Variants in DGKB observed in about 807,000 individuals in gnomAD.
DGKB encodes the protein 90 kDa diacylglycerol kinase.
In DGKB, 67 loss-of-function variants were observed where a neutral mutation model predicts 114.3. That is an observed-to-expected ratio of 0.59 (90% CI 0.48 to 0.72). The LOEUF (loss-of-function observed/expected upper bound fraction) is 0.72, where lower values mean the gene tolerates loss of function less well. DGKB is among the 30% of genes least tolerant of loss of function. The pLI is 0.00. For synonymous variants in DGKB, 398 were observed against 323.1 expected (o/e 1.23, Z -2.49); for missense variants, 907 against 975.2 (o/e 0.93, Z 0.93).
chr7:14,952,251 T>A (rs1159187073), intron 1 of DGKB, among the ~76,000 whole-genome samples: 1 of 152,044 alleles, frequency 6.6e-6, no homozygotes, highest in Admixed American at 6.6e-5. Flanking sequence ...GATGATACCT[T>A]AATCTTAGAC....
intron 21 of DGKB, among the ~76,000 whole-genome samples, chr7:14,380,195 CTG>C (rs746851514): frequency 2.2e-4 from 33 of 151,758 alleles, no homozygotes; most frequent in Non-Finnish European, 4.1e-4. Context: ...TTTATAAACA[CTG>C]TATACATTTA....
intron 6 of DGKB, among the ~76,000 whole-genome samples, chr7:14,703,411 T>C (rs1226382229): frequency 6.6e-6 from 1 of 152,218 alleles, no homozygotes; most frequent in African/African-American, 2.4e-5. Context: ...ATAATGGGCA[T>C]TCATTACTGA....
chr7:14,348,600 A>G (rs1325560085), intron 21 of DGKB, among the ~76,000 whole-genome samples: 1 of 152,030 alleles, frequency 6.6e-6, no homozygotes, highest in Non-Finnish European at 1.5e-5. Context: ...CTAAAATTAA[A>G]AAAAGTAAAA....
intron 23 of DGKB, among the ~76,000 whole-genome samples, chr7:14,288,234 AT>A (rs1357871823): frequency 2.7e-3 from 202 of 75,756 alleles, no homozygotes; most frequent in African/African-American, 8.2e-3. Context: ...TTTTTTTTTA[AT>A]TTTTTTTTTT....
intron 23 of DGKB, among the ~76,000 whole-genome samples, chr7:14,319,133 G>T (rs550272466): frequency 7.2e-6 from 1 of 138,772 alleles, no homozygotes; most frequent in Admixed American, 7.7e-5. Context: ...TCTGGGGACT[G>T]TTGTGGGGTG....
rs1167236969 is a variant in DGKB, at chr7:14,973,562, G to C, written c.-188+1134C>G. Reference sequence around the variant, plus strand: ...TCTTTTTTTTTTCTTTTTTGTTTTTGTGTTAGTTAATACACTCAGAACAAC... The same window carrying C: ...TCTTTTTTTTTTCTTTTTTGTTTTTCTGTTAGTTAATACACTCAGAACAAC... On this transcript the variant is annotated intron_variant, in intron 1 of 4. Transcript: ENST00000437998. Among the ~76,000 whole-genome samples the C allele has an allele frequency of 7.9e-5, 7 of 88,932 alleles. No individual in the cohort carries two copies. The East Asian group carries it at 1.1e-3, about 14-fold the overall frequency. The allele number at this position is 88,932 out of a possible 152,430, so 58.3% of individuals were successfully genotyped here.
At chr7:14,767,461 A>G (rs1297190701) in intron 2 of DGKB, among the ~76,000 whole-genome samples, 2 of 151,912 alleles carry the variant, frequency 1.3e-5, no homozygotes, top group African/African-American at 2.4e-5. Context: ...TGCATAGTAT[A>G]TATTCATTGA....
In DGKB at chr7:14,698,257, T is replaced by C. The variant is rs907327142; in HGVS notation, c.517-88A>G. The C allele has an allele frequency of 5.7e-5, 46 of 811,748 alleles. No homozygotes were observed. The African/African-American group carries it at 8.1e-4, about 14-fold the overall frequency. 50.3% of individuals were successfully genotyped at this position (811,748 alleles called of 1,614,324 possible). A position where few individuals can be genotyped will look rare whatever the true frequency, so the allele number is the denominator to read the frequency against. On this transcript the variant is annotated intron_variant, in intron 7 of 25. Transcript: ENST00000402815. ...CTTGCAGAAATTGTTTTGTTCAATG[T>C]GTAGCTAAAAAAGTTAAATGAGTTC... is the stretch of plus-strand genomic sequence containing the variant.
At chr7:14,246,492 A>G (rs1794500325) in intron 23 of DGKB, among the ~76,000 whole-genome samples, 1 of 152,166 alleles carries the variant, frequency 6.6e-6, no homozygotes, top group African/African-American at 2.4e-5. Context: ...GACAATACTT[A>G]AATCCATCTT....
Position 14,545,529 on chromosome 7 carries a change from T to G in DGKB, c.1770+28683A>C, listed in dbSNP as rs1263100538. 2.6e-5 allele frequency among the ~76,000 whole-genome samples: 4 copies of G among 152,284 alleles called. No individual in the cohort carries two copies. In the East Asian group the frequency reaches 7.7e-4, roughly 29 times the overall value. On this transcript the variant is annotated intron_variant, in intron 20 of 25. Coordinates refer to ENST00000402815, the MANE Select transcript of DGKB (RefSeq NM_001350709.2). Reference sequence around the variant, plus strand: ...TGTATTACGAGATGTCTACATCAGATGTGGCCAAAGAGGATAATAAAACAG... The same window carrying G: ...TGTATTACGAGATGTCTACATCAGAGGTGGCCAAAGAGGATAATAAAACAG...
At chr7:14,652,525 T>A (rs1376448769) in intron 13 of DGKB, among the ~76,000 whole-genome samples, 1 of 151,970 alleles carries the variant, frequency 6.6e-6, no homozygotes, top group African/African-American at 2.4e-5. Context: ...ACTTAAACGT[T>A]AGACCTAAAA....
intron 2 of DGKB, among the ~76,000 whole-genome samples, chr7:14,808,210 A>G (rs1842991274): frequency 6.6e-6 from 1 of 152,046 alleles, no homozygotes; most frequent in Non-Finnish European, 1.5e-5. Context: ...TTAGATGATC[A>G]TTTCCTGAAT....
intron 20 of DGKB, among the ~76,000 whole-genome samples, chr7:14,505,491 C>T (rs927742931): frequency 2.6e-5 from 4 of 151,560 alleles, no homozygotes; most frequent in African/African-American, 9.7e-5. Flanking sequence ...TAAATTCAAA[C>T]TTACTTCCCC....
At chr7:14,214,896 A>G (rs1168744289) in intron 23 of DGKB, among the ~76,000 whole-genome samples, 1 of 152,128 alleles carries the variant, frequency 6.6e-6, no homozygotes, top group Non-Finnish European at 1.5e-5. Flanking sequence ...TTAGAGTCAG[A>G]GTCACACAGT....
In DGKB at chr7:14,435,171, T is replaced by G. The variant is rs1485392025; in HGVS notation, c.1835+42990A>C. ...CCTCTACCTAAATTAACTTTTTTCC[T>G]ACTATTTCTCCAGAAATAAGCATTG... On this transcript the variant is annotated intron_variant, in intron 21 of 25. Transcript: ENST00000402815. Among the ~76,000 whole-genome samples, 3 of 152,194 alleles carry G rather than the reference T, an allele frequency of 2.0e-5. No individual in the cohort carries two copies. In the East Asian group the frequency reaches 5.8e-4, roughly 29 times the overall value.
intron 2 of DGKB, among the ~76,000 whole-genome samples, chr7:14,825,853 T>G (rs915401636): frequency 6.6e-6 from 1 of 152,178 alleles, no homozygotes. Flanking sequence ...AAGTGAGCTC[T>G]TACCTCTGTA....
At chr7:14,303,994 T>C (rs1803999234) in intron 23 of DGKB, among the ~76,000 whole-genome samples, 1 of 151,774 alleles carries the variant, frequency 6.6e-6, no homozygotes, top group Non-Finnish European at 1.5e-5. Context: ...CTCTCTTTTA[T>C]TTAATTTTTT....
At chr7:14,798,460 T>C (rs543198748) in intron 2 of DGKB, among the ~76,000 whole-genome samples, 2 of 152,174 alleles carry the variant, frequency 1.3e-5, no homozygotes, top group Non-Finnish European at 2.9e-5. Flanking sequence ...GCCTTTTGAG[T>C]TCTTATATTT....
intron 20 of DGKB, among the ~76,000 whole-genome samples, chr7:14,538,417 A>G (rs924590631): frequency 5.9e-5 from 9 of 152,204 alleles, no homozygotes; most frequent in South Asian, 2.1e-4. Context: ...AGGAAATGCA[A>G]ATCAAAGCCA....
Sources: gnomAD v4.1 joint callset for allele counts (sites outside exome capture counted in the v4.1 genomes callset) on GRCh38, gnomAD v4.1.1 for gene constraint, MANE v1.5 for transcripts, NCBI Gene and HGNC (gene_info 2026-07-23, HGNC 2026-07-21) for gene names.